NRXN1: variants seen among roughly 807,000 people sequenced by gnomAD.
NRXN1 encodes neurexin-1.
NRXN1 carries 39 observed loss-of-function variants against 150.9 expected under a neutral mutation model. The observed-to-expected ratio is 0.26, with a 90% CI of 0.20 to 0.34. The LOEUF is 0.34. Among genes scored for constraint, NRXN1 ranks in the 10% least tolerant of loss-of-function variants. The probability of loss-of-function intolerance (pLI) is 1.00; values close to 1 mark genes in which losing one functional copy is unlikely to be tolerated. For missense variants in NRXN1, 1,815 were observed against 1,949.9 expected (o/e 0.93, Z 1.30); for synonymous variants, 924 against 757.0 (o/e 1.22, Z -3.62).
At chr2:50,284,152 A>G (rs970279306) in intron 17 of NRXN1, among the ~76,000 whole-genome samples, 1 of 152,206 alleles carries the variant, frequency 6.6e-6, no homozygotes, top group Non-Finnish European at 1.5e-5. Context: ...TCTCTGACAT[A>G]ACACTGGTAC....
At chr2:50,308,461 A>G (rs1191485241) in intron 17 of NRXN1, among the ~76,000 whole-genome samples, 2 of 151,912 alleles carry the variant, frequency 1.3e-5, no homozygotes, top group Admixed American at 6.6e-5. Flanking sequence ...CCAAGCAACT[A>G]GGACTACAGG....
chr2:50,906,786 T>C (rs1483660081), intron 5 of NRXN1, among the ~76,000 whole-genome samples: 1 of 152,040 alleles, frequency 6.6e-6, no homozygotes, highest in Non-Finnish European at 1.5e-5. Flanking sequence ...ACAAATATAA[T>C]GGCACCACAA....
At chr2:50,075,402 G>A (rs1696930028) in intron 19 of NRXN1, among the ~76,000 whole-genome samples, 1 of 152,180 alleles carries the variant, frequency 6.6e-6, no homozygotes, top group African/African-American at 2.4e-5. Flanking sequence ...GCCCAATTGT[G>A]TAAAAAGCCT....
intron 5 of NRXN1, among the ~76,000 whole-genome samples, chr2:50,700,095 T>C (rs1301728520): frequency 6.6e-6 from 1 of 152,206 alleles, no homozygotes; most frequent in Non-Finnish European, 1.5e-5. Flanking sequence ...TATATGTTTG[T>C]CCTTTGATAA....
At chr2:50,575,618 T>C (rs1481937441) in intron 8 of NRXN1, among the ~76,000 whole-genome samples, 2 of 152,182 alleles carry the variant, frequency 1.3e-5, no homozygotes, top group Admixed American at 1.3e-4. Flanking sequence ...AATTTACAAA[T>C]TCTAAAAATA....
At chr2:50,171,943 T>A (rs2060056040) in intron 18 of NRXN1, among the ~76,000 whole-genome samples, 1 of 152,012 alleles carries the variant, frequency 6.6e-6, no homozygotes, top group Non-Finnish European at 1.5e-5. Context: ...TGAAGAGGAG[T>A]CTACAGAAAT....
Position 50,736,442 on chromosome 2 carries a change from A to G in NRXN1, c.833-112827T>C, listed in dbSNP as rs527732459. ...GCCCTAGTGAGTGTCTTTACGCTTC[A>G]CAAGGATAGTGATATGGCTTGGCTG... On this transcript the variant is annotated intron_variant, in intron 5 of 22. Coordinates refer to ENST00000401669, the MANE Select transcript of NRXN1 (RefSeq NM_001330078.2). Among the ~76,000 whole-genome samples, 7 of 152,220 alleles carry G rather than the reference A, an allele frequency of 4.6e-5. No individual in the cohort carries two copies. In the South Asian group the frequency reaches 1.4e-3, roughly 32 times the overall value.
intron 18 of NRXN1, among the ~76,000 whole-genome samples, chr2:50,166,845 CT>C (rs1471908595): frequency 3.3e-5 from 5 of 152,148 alleles, no homozygotes; most frequent in African/African-American, 1.2e-4. Flanking sequence ...CTAATCACAA[CT>C]AGGATTAATT....
At chr2:50,295,431 T>C (rs997089188) in intron 17 of NRXN1, among the ~76,000 whole-genome samples, 7 of 152,184 alleles carry the variant, frequency 4.6e-5, no homozygotes, top group African/African-American at 1.4e-4. Flanking sequence ...AATGGGAATA[T>C]CACAAAATAT....
chr2:49,923,749 T>C (rs747062266), intron 22 of NRXN1, among the ~76,000 whole-genome samples: 14 of 152,198 alleles, frequency 9.2e-5, no homozygotes, highest in Non-Finnish European at 1.3e-4. Context: ...TCTGTGATTT[T>C]CTTTTCCTTC....
Position 50,954,484 on chromosome 2 carries a change from C to G in NRXN1, c.773-28529G>C, listed in dbSNP as rs1264183061. On this transcript the variant is annotated intron_variant, in intron 2 of 22. Transcript: ENST00000401669. ...GGGTTCAGCCATTTATGGGGCAGAACAGGGACATGCAGGAATTAGGGCATA... is the reference window on the plus strand; with the variant it reads ...GGGTTCAGCCATTTATGGGGCAGAAGAGGGACATGCAGGAATTAGGGCATA... Among the ~76,000 whole-genome samples the G allele has an allele frequency of 2.6e-5, 4 of 152,234 alleles. No individual in the cohort carries two copies. In the East Asian group the frequency reaches 7.7e-4, roughly 29 times the overall value.
intron 5 of NRXN1, among the ~76,000 whole-genome samples, chr2:50,892,237 G>C (rs1559402469): frequency 6.6e-6 from 1 of 152,076 alleles, no homozygotes; most frequent in Non-Finnish European, 1.5e-5. Context: ...TCCTGACAGA[G>C]AACATGGCAT....
chr2:49,979,848 G>A (rs1247572887), intron 21 of NRXN1, among the ~76,000 whole-genome samples: 1 of 151,440 alleles, frequency 6.6e-6, no homozygotes, highest in Non-Finnish European at 1.5e-5. Flanking sequence ...ATTAGAGATA[G>A]GATGGAAATT....
At chr2:50,829,999 GAA>G (rs572758147) in intron 5 of NRXN1, among the ~76,000 whole-genome samples, 76 of 58,152 alleles carry the variant, frequency 1.3e-3, no homozygotes, top group African/African-American at 1.8e-3. Context: ...CTGCCTGCTG[GAA>G]AAAAAAAAAA....
chr2:50,689,965 C>A lies in NRXN1; in HGVS notation c.833-66350G>T, dbSNP rs137994489. Reference sequence around the variant, plus strand: ...GCAATGGTGCGATCTCGGCTCACTGCAACCTCTGCCTCTGGGGCTCAAGCA... The same window carrying A: ...GCAATGGTGCGATCTCGGCTCACTGAAACCTCTGCCTCTGGGGCTCAAGCA... On this transcript the variant is annotated intron_variant, in intron 5 of 22. Coordinates refer to ENST00000401669, the MANE Select transcript of NRXN1 (RefSeq NM_001330078.2). Among the ~76,000 whole-genome samples the A allele has an allele frequency of 0.012, 1,786 of 151,428 alleles. 40 individuals are homozygous for A. The highest frequency in any genetic ancestry group is 0.042 in the African/African-American group (1,722 of 41,314).
intron 17 of NRXN1, among the ~76,000 whole-genome samples, chr2:50,320,779 G>A (rs2075982317): frequency 6.6e-6 from 1 of 152,150 alleles, no homozygotes; most frequent in South Asian, 2.1e-4. Flanking sequence ...CTGCTCTGAT[G>A]AGAATATGAA....
chr2:50,218,064 T>C (rs1418484060), intron 18 of NRXN1, among the ~76,000 whole-genome samples: 1 of 152,058 alleles, frequency 6.6e-6, no homozygotes, highest in Non-Finnish European at 1.5e-5. Context: ...AAGGTGCTCC[T>C]GAGGCATCAA....
chr2:50,489,976 G>A (rs760833515), intron 15 of NRXN1, among the ~76,000 whole-genome samples: 17 of 152,264 alleles, frequency 1.1e-4, no homozygotes, highest in Admixed American at 7.2e-4. Flanking sequence ...TTTACAGTAC[G>A]GAGAACAGAT....
chr2:50,666,962 G>A (rs1044118930), intron 5 of NRXN1, among the ~76,000 whole-genome samples: 1 of 151,528 alleles, frequency 6.6e-6, no homozygotes, highest in East Asian at 1.9e-4. Flanking sequence ...CACACGCATG[G>A]CGTGGTGAGA....
Sources: allele counts gnomAD v4.1 joint callset (sites outside exome capture counted in the v4.1 genomes callset), GRCh38; gene constraint gnomAD v4.1.1; transcripts MANE v1.5; gene names NCBI Gene and HGNC (gene_info 2026-07-23, HGNC 2026-07-21).